DYNC1H1: variants seen among roughly 807,000 people sequenced by gnomAD.
The protein encoded by DYNC1H1 is cytoplasmic dynein 1 heavy chain 1.
A neutral mutation model predicts 527.1 loss-of-function variants in DYNC1H1; 51 were observed. The ratio of observed to expected loss-of-function variants is 0.10; its 90% CI spans 0.08 to 0.12. The LOEUF (loss-of-function observed/expected upper bound fraction) is 0.12, where lower values mean the gene tolerates loss of function less well. Ranked by LOEUF, DYNC1H1 falls within the 10% of genes least tolerant of loss-of-function variation. DYNC1H1 has a pLI of 1.00. For synonymous variants in DYNC1H1, 2,189 were observed against 2,278.8 expected (o/e 0.96, Z 1.12); for missense variants, 2,771 against 5,971.8 (o/e 0.46, Z 17.66).
At position 102,005,012 on chromosome 14, in the gene DYNC1H1, C is replaced by T; in HGVS notation, c.5239-30C>T. ...AACGCAGACCAATCTTTAAAATGAT[C>T]CTTTGGGATCTTGTTTCTGTGTCTT... On this transcript the variant is annotated intron_variant, in intron 25 of 77. Coordinates refer to ENST00000360184, the MANE Select transcript of DYNC1H1 (RefSeq NM_001376.5). This position sits in a 1 kb window ranked among gnomAD's most constrained non-coding sequence, Gnocchi z 4.0. The T allele has an allele frequency of 1.2e-6, 2 of 1,614,138 alleles. No homozygotes were observed. Among genetic ancestry groups the T allele is most frequent in the Non-Finnish European group, 1.7e-6 (2 of 1,180,046 alleles).
rs763337812 is a variant in DYNC1H1, at chr14:102,002,599, T to C, written c.4605T>C (p.Asp1535=). The C allele has an allele frequency of 3.7e-6, 6 of 1,614,048 alleles. No individual in the cohort carries two copies. The highest frequency in any genetic ancestry group is 5.1e-6 in the Non-Finnish European group (6 of 1,180,034). The change falls in exon 22 of 78, where the codon GAT becomes GAC. Residue 1535 remains aspartate (D), a synonymous_variant. Coordinates refer to ENST00000360184, the MANE Select transcript of DYNC1H1 (RefSeq NM_001376.5). The surrounding 1 kb of genome is among the most constrained non-coding windows in gnomAD (Gnocchi z 4.4). ...TGAACAGGATCATGGCTCTCTTTGA[T>C]GTGTGGATTGATGTGCAGAGGCGGT... ...DKLNRIMALF[D]VWIDVQRRWV... is the part of the protein sequence containing the mutation.
Position 102,050,748 on chromosome 14 carries a change from G to T in DYNC1H1, c.*185G>T. On this transcript the variant is annotated 3_prime_UTR_variant, in exon 78 of 78. Coordinates refer to ENST00000360184, the MANE Select transcript of DYNC1H1 (RefSeq NM_001376.5). ...AAGGATACCAGGAGGTATTTGGGAA[G>T]GCCAATGGCGTGGCTCCTTTGAGGA... The T allele has an allele frequency of 1.1e-6, 1 of 888,986 alleles. No individual in the cohort carries two copies. The highest frequency in any genetic ancestry group is 1.5e-5 in the South Asian group (1 of 65,660). The allele number at this position is 888,986 out of a possible 1,614,324, so 55.1% of individuals were successfully genotyped here.
chr14:102,009,664 G>T (rs1415130511), intron 29 of DYNC1H1, 179 bp from the exon 30 acceptor site: 14 of 905,718 alleles, frequency 1.5e-5, no homozygotes, highest in Admixed American at 2.5e-5. Context: ...GTCCACCTGG[G>T]CTGGGAGAAT....
chr14:101,987,592 A>T lies in DYNC1H1; in HGVS notation c.2678A>T (p.Tyr893Phe). 2 of 1,614,176 alleles carry T rather than the reference A, an allele frequency of 1.2e-6. No individual in the cohort carries two copies. The highest frequency in any genetic ancestry group is 1.7e-6 in the Non-Finnish European group (2 of 1,180,034). ...GTGGATGACTTAAATCTGCACTCCT[A>T]TTCCAATTTGCCCATCTGGGTCAAC... ...KAVDDLNLHSYSNLPIWVNKL... is the reference protein window; with the variant it reads ...KAVDDLNLHSFSNLPIWVNKL... The change falls in exon 9 of 78, where the codon TAT becomes TTT. Residue 893 changes from tyrosine to phenylalanine, a missense_variant. Physicochemically the swap from Tyr to Phe is conservative, Grantham distance 22. Transcript: ENST00000360184.
Position 101,975,783 on chromosome 14 carries a change from G to A in DYNC1H1, c.328G>A (p.Gly110Arg). The A allele has an allele frequency of 1.2e-6, 2 of 1,612,724 alleles. No individual in the cohort carries two copies. Among genetic ancestry groups the A allele is most frequent in the Non-Finnish European group, 1.7e-6 (2 of 1,178,846 alleles). The change falls in exon 2 of 78, where the codon GGG (glycine) becomes AGG (arginine). Residue 110 changes from glycine (G) to arginine (R), a missense_variant. By Grantham distance (125) the Gly-to-Arg change is moderately radical (BLOSUM62 -2). Around this residue, in one of 32 missense-constraint regions of DYNC1H1, gnomAD observed 146 missense variants for 288.1 expected, o/e 0.51. Transcript: ENST00000360184. ...TAACATCAACATAGACATTCATTAT[G>A]GGGTTAAATCCAATAGGTGAGTAGT... Reference protein sequence around the residue: ...SYNINIDIHYGVKSNSLAFIK... With the variant: ...SYNINIDIHYRVKSNSLAFIK...
rs916767455 is a variant in DYNC1H1, at chr14:102,029,801, G to A, written c.9643-18G>A. On this transcript the variant is annotated intron_variant, in intron 49 of 77. Transcript: ENST00000360184. The surrounding 1 kb of genome is among the most constrained non-coding windows in gnomAD (Gnocchi z 5.3). ...TTCTGCATGTTTCTCGTCTCTGAGTGTGGGCTTTGCTCTTTAGGTAGAAGA... is the reference window on the plus strand; with the variant it reads ...TTCTGCATGTTTCTCGTCTCTGAGTATGGGCTTTGCTCTTTAGGTAGAAGA... 1 of 1,614,224 alleles carries A rather than the reference G, an allele frequency of 6.2e-7. No homozygotes were observed. The highest frequency in any genetic ancestry group is 8.5e-7 in the Non-Finnish European group (1 of 1,180,044).
At position 102,047,641 on chromosome 14, in the gene DYNC1H1, GTATATATATA is replaced by G. The variant is rs71116874; in HGVS notation, c.13007-162_13007-153del. 1.9e-5 allele frequency: 6 copies of G among 316,752 alleles called. 1 individual carries two copies. Among genetic ancestry groups the G allele is most frequent in the South Asian group, 9.5e-5 (3 of 31,460 alleles). 19.6% of individuals were successfully genotyped at this position (316,752 alleles called of 1,614,324 possible). On this transcript the variant is annotated intron_variant, in intron 72 of 77. Transcript: ENST00000360184. ...TACACGTGTGTGTGTGTGTGTGTGT[GTATATATATA>G]TATATATATATATGTACACACGGCT...
chr14:101,978,350 T>C (rs1324329514), intron 2 of DYNC1H1, among the ~76,000 whole-genome samples: 1 of 152,176 alleles, frequency 6.6e-6, no homozygotes, highest in Non-Finnish European at 1.5e-5. Flanking sequence ...TTTTTGTATC[T>C]TTAGTAGAGA....
rs2152579483 is a variant in DYNC1H1, at chr14:102,012,479, C to G, written c.7014+9C>G. The G allele has an allele frequency of 1.2e-6, 2 of 1,614,128 alleles. No homozygotes were observed. Among genetic ancestry groups the G allele is most frequent in the African/African-American group, 2.7e-5 (2 of 75,016 alleles). ...TCAGTCTTCCACCCAATGTAAGTAG[C>G]CTTTTGTATGTCGTCAACTGAATAA... On this transcript the variant is annotated intron_variant, in intron 34 of 77. Transcript: ENST00000360184. The surrounding 1 kb of genome is among the most constrained non-coding windows in gnomAD (Gnocchi z 4.9).
rs1350082937 is a variant in DYNC1H1, at chr14:102,002,650, A to T, written c.4656A>T (p.Thr1552=). 1.2e-6 allele frequency: 2 copies of T among 1,614,232 alleles called. No homozygotes were observed. The highest frequency in any genetic ancestry group is 2.2e-5 in the South Asian group (2 of 91,086). Residue 1552 remains threonine (T), a synonymous_variant, in exon 22 of 78, where the codon ACA becomes ACT. Coordinates refer to ENST00000360184, the MANE Select transcript of DYNC1H1 (RefSeq NM_001376.5). The surrounding 1 kb of genome is among the most constrained non-coding windows in gnomAD (Gnocchi z 4.4). ...GGGTCTACCTGGAAGGTATCTTCAC[A>T]GGCAGTGCAGATATCAAGCACCTGC... ...RRWVYLEGIF[T]GSADIKHLLP...
In DYNC1H1 at chr14:102,050,478, T is replaced by C. The variant is rs1177514789; in HGVS notation, c.13856T>C (p.Ile4619Thr). The C allele has an allele frequency of 1.2e-6, 2 of 1,614,214 alleles. No homozygotes were observed. The highest frequency in any genetic ancestry group is 1.1e-5 in the South Asian group (1 of 91,078). ...CTGAACTTCACCCGTGCAGACCTCA[T>C]CTTCACCGTGGACTTCGAAATTGCT... ...VYLNFTRADL[I>T]FTVDFEIATK... Residue 4619 changes from isoleucine (I) to threonine (T), a missense_variant, in exon 78 of 78, where the codon ATC (isoleucine) becomes ACC (threonine). Ile to Thr is a moderately conservative substitution (Grantham distance 89). This residue lies in a region of DYNC1H1 where 106 missense variants were observed against 139.2 expected (regional missense o/e 0.76). Coordinates refer to ENST00000360184, the MANE Select transcript of DYNC1H1 (RefSeq NM_001376.5).
rs17512846 is a variant in DYNC1H1, at chr14:102,042,771, A to T, written c.12513+23A>T. On this transcript the variant is annotated intron_variant, in intron 69 of 77. Transcript: ENST00000360184. This position sits in a 1 kb window ranked among gnomAD's most constrained non-coding sequence, Gnocchi z 5.7. ...AAGGTAAGTACCTTGTCCTCCTGGT[A>T]TGCTTTCCCCATAGAAGCTAAAGCC... 3 of 1,612,854 alleles carry T rather than the reference A, an allele frequency of 1.9e-6. No homozygotes were observed. The African/African-American group carries it at 4.0e-5, about 22-fold the overall frequency.
In DYNC1H1 at chr14:102,038,382, T is replaced by G; in HGVS notation, c.10909-78T>G. 3.2e-6 allele frequency: 5 copies of G among 1,583,808 alleles called. No individual in the cohort carries two copies. The highest frequency in any genetic ancestry group is 4.3e-6 in the Non-Finnish European group (5 of 1,169,804). On this transcript the variant is annotated intron_variant, in intron 57 of 77. Coordinates refer to ENST00000360184, the MANE Select transcript of DYNC1H1 (RefSeq NM_001376.5). The surrounding 1 kb of genome is among the most constrained non-coding windows in gnomAD (Gnocchi z 7.2). ...TTTGGGAAGGTATGCTTATCCAGAG[T>G]AGGACAGCAACATAGCATTTGGGTG... is the stretch of plus-strand genomic sequence containing the variant.
At chr14:102,043,637 C>T (rs573789422) in intron 69 of DYNC1H1, 8 of 578,368 alleles carry the variant, frequency 1.4e-5, no homozygotes, top group African/African-American at 3.7e-5. Flanking sequence ...TTCTTAGAAA[C>T]TCTGTCTTCT....
Position 102,010,134 on chromosome 14 carries a change from A to G in DYNC1H1, c.6221+48A>G. On this transcript the variant is annotated intron_variant, in intron 30 of 77. Coordinates refer to ENST00000360184, the MANE Select transcript of DYNC1H1 (RefSeq NM_001376.5). This position sits in a 1 kb window ranked among gnomAD's most constrained non-coding sequence, Gnocchi z 6.0. ...TAATCATGTTTCTTGCATATGTTAA[A>G]TGTGTCCATTTAACCTTAAAATTTT... The G allele has an allele frequency of 1.2e-6, 2 of 1,613,288 alleles. No homozygotes were observed. Among genetic ancestry groups the G allele is most frequent in the Non-Finnish European group, 1.7e-6 (2 of 1,180,026 alleles).
rs1456267330 is a variant in DYNC1H1 at position 101,995,063 on chromosome 14, A to G, written c.3411A>G (p.Ser1137=). The change falls in exon 14 of 78, where the codon TCA becomes TCG. Residue 1137 remains serine, a synonymous_variant. Transcript: ENST00000360184. The stretch of plus-strand genomic sequence containing the variant: ...GCAAATTTGGGCAGATGCTAGGATC[A>G]AACATGACGGAATTCCATTCCCAGA... ...VLSKFGQMLG[S]NMTEFHSQIS... The G allele has an allele frequency of 6.2e-7, 1 of 1,614,252 alleles. No homozygotes were observed. Among genetic ancestry groups the G allele is most frequent in the South Asian group, 1.1e-5 (1 of 91,086 alleles).
chr14:101,977,331 G>A (rs1395653778), intron 2 of DYNC1H1, among the ~76,000 whole-genome samples: 1 of 152,126 alleles, frequency 6.6e-6, no homozygotes, highest in Admixed American at 6.5e-5. Flanking sequence ...GTAATCTCAG[G>A]TTACGGAAGA....
chr14:102,027,265 G>A lies in DYNC1H1; in HGVS notation c.8863G>A (p.Gly2955Ser), dbSNP rs1303779307. ...GTCTCGTTTCGTCGCCTGGATGAAC[G>A]GTTTGAGTGTGTACCAGATTAAGGT... ...TLSRFVAWMN[G>S]LSVYQIKVHR... Residue 2955 changes from glycine to serine, a missense_variant, in exon 45 of 78, where the codon GGT becomes AGT. By Grantham distance (56) the Gly-to-Ser change is moderately conservative. This residue lies in a region of DYNC1H1 where 84 missense variants were observed against 285.4 expected (regional missense o/e 0.29). Transcript: ENST00000360184. This position sits in a 1 kb window ranked among gnomAD's most constrained non-coding sequence, Gnocchi z 7.7. 2 of 1,614,064 alleles carry A rather than the reference G, an allele frequency of 1.2e-6. No individual in the cohort carries two copies. Among genetic ancestry groups the A allele is most frequent in the South Asian group, 1.1e-5 (1 of 91,068 alleles).
Position 101,986,873 on chromosome 14 carries a change from C to T in DYNC1H1, c.2538+110C>T. The T allele has an allele frequency of 7.7e-7, 1 of 1,293,488 alleles. No individual in the cohort carries two copies. Among genetic ancestry groups the T allele is most frequent in the South Asian group, 1.2e-5 (1 of 83,850 alleles). 80.1% of individuals were successfully genotyped at this position (1,293,488 alleles called of 1,614,324 possible). On this transcript the variant is annotated intron_variant, in intron 8 of 77. Coordinates refer to ENST00000360184, the MANE Select transcript of DYNC1H1 (RefSeq NM_001376.5). This position sits in a 1 kb window ranked among gnomAD's most constrained non-coding sequence, Gnocchi z 8.7. ...AAGAAGGCATGCATGGTTGATGCAG[C>T]ATACGGCCATGTGAGCTGCAAGGGA...
Sources: gnomAD v4.1 joint callset for allele counts (sites outside exome capture counted in the v4.1 genomes callset) on GRCh38, gnomAD v4.1.1 for gene constraint, gnomAD v4.1.1 regional missense constraint, Gnocchi (gnomAD v3.1) non-coding constraint, MANE v1.5 for transcripts, NCBI Gene and HGNC (gene_info 2026-07-23, HGNC 2026-07-21) for gene names.